SGSH: variants seen among roughly 807,000 people sequenced by gnomAD.
SGSH encodes the protein N-sulfoglucosamine sulfohydrolase, also known as heparan sulfate sulfatase.
Under a neutral mutation model 51.0 loss-of-function variants are expected in SGSH, and 48 were observed. The observed-to-expected ratio is 0.94, with a 90% CI of 0.75 to 1.20. The LOEUF (loss-of-function observed/expected upper bound fraction) is 1.20. Ranked by LOEUF, SGSH falls within the 50% of genes most tolerant of loss-of-function variation. The pLI is 0.00. For synonymous variants in SGSH, 321 were observed against 313.4 expected (o/e 1.02, Z -0.26); for missense variants, 662 against 717.8 (o/e 0.92, Z 0.89).
rs777957953 is a variant in SGSH, at chr17:80,212,087, G to A, written c.933C>T (p.Ala311=). The change falls in exon 7 of 8, where the codon GCC becomes GCT. Residue 311 remains alanine (A), a synonymous_variant. Coordinates refer to ENST00000326317, the MANE Select transcript of SGSH (RefSeq NM_000199.5). This position sits in a 1 kb window ranked among gnomAD's most constrained non-coding sequence, Gnocchi z 5.9. The part of the protein sequence containing the change: ...HPKRWGQVSE[A]YVSLLDLTPT... ...AAGGCATACCTAGGAGGCTCACGTA[G>A]GCCTCGCTGACTTGGCCCCAGCGTT... The A allele has an allele frequency of 3.1e-6, 5 of 1,613,370 alleles. No individual in the cohort carries two copies. The highest frequency in any genetic ancestry group is 4.2e-6 in the Non-Finnish European group (5 of 1,179,968).
downstream of SGSH, chr17:80,204,885 G>A (rs1382583764): frequency 9.2e-6 from 6 of 650,210 alleles, no homozygotes; most frequent in African/African-American, 3.7e-5. Context: ...AACTGGGAGT[G>A]AGTCCTGTGA....
chr17:80,205,148 G>A, downstream of SGSH: 2 of 1,613,804 alleles, frequency 1.2e-6, no homozygotes, highest in Non-Finnish European at 1.7e-6. Context: ...CAGGGCGGTT[G>A]GGAAGATCCT....
downstream of SGSH, chr17:80,202,704 G>GACGGGGA: frequency 1.0e-6 from 1 of 967,656 alleles, no homozygotes; most frequent in Non-Finnish European, 1.4e-6. Context: ...CTGGATCCCC[G>GACGGGGA]TCTGTGGTGG....
intron 7 of SGSH, chr17:80,211,585 A>G: frequency 3.4e-6 from 1 of 289,906 alleles, no homozygotes. Flanking sequence ...TTTAGGAATG[A>G]GCAGGGTCAT....
At chr17:80,202,536 C>T (rs1657148194), downstream of SGSH, 2 of 1,481,696 alleles carry the variant, frequency 1.3e-6, no homozygotes, top group African/African-American at 2.8e-5. Context: ...TGGTGAGACC[C>T]CCCTAAGGAG....
chr17:80,211,815 G>A, intron 7 of SGSH: 1 of 560,392 alleles, frequency 1.8e-6, no homozygotes, highest in Admixed American at 3.0e-5. Context: ...CGGGGAAAAG[G>A]CAATGGTTTT....
In SGSH at chr17:80,212,186, GA is replaced by G; in HGVS notation, c.833del (p.Phe278SerfsTer36). The G allele has an allele frequency of 6.2e-7, 1 of 1,613,550 alleles. No homozygotes were observed. Among genetic ancestry groups the G allele is most frequent in the Non-Finnish European group, 8.5e-7 (1 of 1,180,020 alleles). ...AGTACAGGTTGGTCCTGCCGCTGGG[GA>G]AGGGGATCCCGTTGTCGGACGTGAA... ...VIFTSDNGIP[F>X]PSGRTNLYWP... is the part of the protein sequence containing the mutation. On this transcript the variant is annotated frameshift_variant, in exon 7 of 8. Coordinates refer to ENST00000326317, the MANE Select transcript of SGSH (RefSeq NM_000199.5). LOFTEE classifies it high-confidence loss of function. The surrounding 1 kb of genome is among the most constrained non-coding windows in gnomAD (Gnocchi z 5.9).
downstream of SGSH, chr17:80,208,534 C>T (rs1413109968): frequency 5.7e-6 from 3 of 526,696 alleles, no homozygotes; most frequent in Non-Finnish European, 6.7e-6. Context: ...CCACTTGTAA[C>T]TGCACACTTT....
At chr17:80,211,883 T>C (rs1046132591) in intron 7 of SGSH, 188 bp downstream of exon 7, 2 of 641,838 alleles carry the variant, frequency 3.1e-6, no homozygotes, top group African/African-American at 3.6e-5. Flanking sequence ...TGTGCAATCC[T>C]GAGCAGCTTA....
At chr17:80,208,171 G>A (rs201650186), downstream of SGSH, 6 of 1,548,466 alleles carry the variant, frequency 3.9e-6, no homozygotes, top group Admixed American at 5.9e-5. Context: ...CCTCAGAGGA[G>A]CAGCTCCTGG....
chr17:80,205,103 C>T (rs755481550), downstream of SGSH: 10 of 1,613,434 alleles, frequency 6.2e-6, no homozygotes, highest in Admixed American at 3.3e-5. Flanking sequence ...GCGGCCCCAT[C>T]GACCCGCCCG....
At chr17:80,205,305 C>T (rs2041235817), downstream of SGSH, 8 of 1,200,716 alleles carry the variant, frequency 6.7e-6, no homozygotes, top group East Asian at 2.0e-4. Context: ...CTCCTTCCCT[C>T]CCCCACCACG....
chr17:80,201,504 C>T, the SGSH span: 5 of 538,398 alleles, frequency 9.3e-6, no homozygotes, highest in East Asian at 3.3e-5. The surrounding 1 kb of genome is among the most constrained non-coding windows in gnomAD (Gnocchi z 5.0). Flanking sequence ...CCCCCGATCT[C>T]GACTGGGGAA....
intron 7 of SGSH, chr17:80,211,832 A>G (rs998264772): frequency 1.7e-6 from 1 of 579,532 alleles, no homozygotes. Flanking sequence ...TTTTGAAAGC[A>G]GCAGGATCCA....
intron 1 of SGSH, among the ~76,000 whole-genome samples, chr17:80,219,161 CAAAAA>C (rs11430982): frequency 7.4e-5 from 4 of 54,254 alleles, no homozygotes; most frequent in African/African-American, 1.6e-4. Flanking sequence ...CCCTGTCTCA[CAAAAA>C]AAAAAAAAAA....
In SGSH at chr17:80,209,923, G is replaced by T; in HGVS notation, c.*529C>A. On this transcript the variant is annotated 3_prime_UTR_variant, in exon 8 of 8. Coordinates refer to ENST00000326317, the MANE Select transcript of SGSH (RefSeq NM_000199.5). ...AAAGGTCGCTCAAAGGCTTCCTCTA[G>T]GCCAGACGCTGGTAAGAGCCAGGCG... The T allele has an allele frequency of 1.0e-6, 1 of 998,966 alleles. No homozygotes were observed. The highest frequency in any genetic ancestry group is 1.2e-6 in the Non-Finnish European group (1 of 836,646). 61.9% of individuals were successfully genotyped at this position (998,966 alleles called of 1,614,324 possible).
chr17:80,217,794 G>C (rs1164224761), intron 1 of SGSH, among the ~76,000 whole-genome samples: 3 of 152,064 alleles, frequency 2.0e-5, no homozygotes, highest in African/African-American at 7.3e-5. Flanking sequence ...TGGTATGTTA[G>C]CAGGCAGGCA....
chr17:80,204,772 C>T, downstream of SGSH: 1 of 472,698 alleles, frequency 2.1e-6, no homozygotes, highest in Non-Finnish European at 3.7e-6. Context: ...CTCCCTTGGG[C>T]CTATAGGAAA....
At chr17:80,218,816 A>G (rs1263254089) in intron 1 of SGSH, among the ~76,000 whole-genome samples, 2 of 152,178 alleles carry the variant, frequency 1.3e-5, no homozygotes, top group African/African-American at 4.8e-5. Flanking sequence ...TTAAGGGTAA[A>G]TGAATCATAA....
Sources: allele counts gnomAD v4.1 joint callset (sites outside exome capture counted in the v4.1 genomes callset), GRCh38; gene constraint gnomAD v4.1.1; non-coding constraint Gnocchi (gnomAD v3.1); transcripts MANE v1.5; gene names NCBI Gene and HGNC (gene_info 2026-07-23, HGNC 2026-07-21).